ASCC2: variants seen among roughly 807,000 people sequenced by gnomAD.
The protein encoded by ASCC2 is activating signal cointegrator 1 complex subunit 2.
ASCC2 carries 42 observed loss-of-function variants against 93.5 expected under a neutral mutation model. The ratio of observed to expected loss-of-function variants is 0.45; its 90% CI spans 0.35 to 0.58. ASCC2 has a LOEUF of 0.58. Ranked by LOEUF, ASCC2 falls within the 20% of genes least tolerant of loss-of-function variation. The probability of loss-of-function intolerance (pLI) is 0.00; values close to 1 mark genes in which losing one functional copy is unlikely to be tolerated. For synonymous variants in ASCC2, 364 were observed against 384.2 expected, an observed-to-expected ratio of 0.95 and a Z score of 0.62; for missense variants, 859 against 977.6, an observed-to-expected ratio of 0.88 and a Z score of 1.62.
chr22:29,800,857 G>A (rs746453390), intron 15 of ASCC2, 134 bp downstream of exon 15: 17 of 1,153,620 alleles, frequency 1.5e-5, no homozygotes, highest in Admixed American at 5.1e-5. Context: ...GGGTGCACAG[G>A]TCTAGGGTTG....
At chr22:29,806,961 A>G in intron 9 of ASCC2, 57 bp from the exon 10 acceptor site, 1 of 1,381,992 alleles carries the variant, frequency 7.2e-7, no homozygotes, top group Non-Finnish European at 1.0e-6. Context: ...CTGAGGGGCC[A>G]GGTGCAGTGG....
In ASCC2 at chr22:29,808,153, T is replaced by G; in HGVS notation, c.866A>C (p.Glu289Ala). 4 of 1,614,228 alleles carry G rather than the reference T, an allele frequency of 2.5e-6. No homozygotes were observed. The highest frequency in any genetic ancestry group is 1.3e-5 in the African/African-American group (1 of 75,060). ...LASFYEAAIP[E>A]MESAIKKRRL... ...CCTCTTCTTAATTGCAGACTCCATT[T>G]CGGGAATTGCTGCTTCGTAGAAGGA... The change falls in exon 9 of 20, where the codon GAA becomes GCA. Residue 289 changes from glutamate (E) to alanine (A), a missense_variant. Physicochemically the swap from Glu to Ala is moderately radical, Grantham distance 107 (BLOSUM62 -1). Transcript: ENST00000307790.
At chr22:29,803,403 T>C (rs8143161) in intron 13 of ASCC2, among the ~76,000 whole-genome samples, 3,868 of 152,258 alleles carry the variant, frequency 0.025, 157 homozygotes, top group African/African-American at 0.088. Context: ...TGAACCTCAG[T>C]TTCCTCCTTA....
At chr22:29,807,007 G>C (rs2059748171) in intron 9 of ASCC2, 103 bp from the exon 10 acceptor site, 1 of 819,008 alleles carries the variant, frequency 1.2e-6, no homozygotes, top group Admixed American at 2.8e-5. Context: ...GGGAATCTGA[G>C]GTGGGAGGAT....
intron 6 of ASCC2, 123 bp from the exon 7 acceptor site, chr22:29,814,890 C>T: frequency 2.8e-6 from 2 of 721,350 alleles, no homozygotes; most frequent in Non-Finnish European, 4.6e-6. Flanking sequence ...ACCCATGTTT[C>T]CAGGATATAA....
In ASCC2 at chr22:29,832,257, A is replaced by C; in HGVS notation, c.69T>G (p.Thr23=). ...HKDPKTGKLR[T]SPALHPEQKA... ...GTGACCGGCTCACCAGCGCTGGTGA[A>C]GTCCTCAGCTTTCCTGTCTTCGGGT... Residue 23 remains threonine (T), a synonymous_variant, in exon 2 of 20, where the codon ACT becomes ACG. Coordinates refer to ENST00000307790, the MANE Select transcript of ASCC2 (RefSeq NM_032204.5). The C allele has an allele frequency of 6.2e-7, 1 of 1,613,602 alleles. No homozygotes were observed. The highest frequency in any genetic ancestry group is 8.5e-7 in the Non-Finnish European group (1 of 1,179,538).
At chr22:29,805,687 C>A (rs1158321834) in intron 12 of ASCC2, among the ~76,000 whole-genome samples, 2 of 152,180 alleles carry the variant, frequency 1.3e-5, no homozygotes, top group Non-Finnish European at 1.5e-5. Flanking sequence ...GTACTCTATA[C>A]ACGTCTGTGG....
At chr22:29,808,275 G>C (rs375953079) in intron 8 of ASCC2, 90 bp from the exon 9 acceptor site, 1 of 1,333,956 alleles carries the variant, frequency 7.5e-7, no homozygotes, top group Non-Finnish European at 1.1e-6. Context: ...GGAGTGGGAA[G>C]GCCCATTTCT....
chr22:29,808,024 A>G, intron 9 of ASCC2, 87 bp downstream of exon 9: 1 of 1,368,872 alleles, frequency 7.3e-7, no homozygotes, highest in Non-Finnish European at 1.0e-6. Flanking sequence ...TGTCTTAGAG[A>G]TAGGGATGCT....
At position 29,825,908 on chromosome 22, in the gene ASCC2, A is replaced by G. The variant is rs746862011; in HGVS notation, c.82-128T>C. On this transcript the variant is annotated intron_variant, in intron 2 of 19. Transcript: ENST00000307790. The surrounding 1 kb of genome is among the most constrained non-coding windows in gnomAD (Gnocchi z 4.9). ...CCCTCCAAGGAGCTTTTAAGCATAA[A>G]GAACCAAGTGTATCTAACAAAGAGG... 375 of 1,078,570 alleles carry G rather than the reference A, an allele frequency of 3.5e-4. No homozygotes were observed. Among genetic ancestry groups the G allele is most frequent in the Non-Finnish European group, 4.5e-4 (331 of 740,710 alleles). The allele number at this position is 1,078,570 out of a possible 1,614,324, so 66.8% of individuals were successfully genotyped here.
At chr22:29,804,244 G>A (rs1047670656) in intron 13 of ASCC2, among the ~76,000 whole-genome samples, 3 of 152,214 alleles carry the variant, frequency 2.0e-5, no homozygotes, top group Non-Finnish European at 4.4e-5. Context: ...GGAGCCCCAC[G>A]GAGGGGCTTC....
At chr22:29,818,182 T>C (rs1007656022) in intron 5 of ASCC2, among the ~76,000 whole-genome samples, 6 of 152,022 alleles carry the variant, frequency 3.9e-5, no homozygotes, top group African/African-American at 2.4e-5. Context: ...TCCCACCTTC[T>C]TTCACTTGTC....
chr22:29,793,583 C>T lies in ASCC2; in HGVS notation c.1782G>A (p.Val594=), dbSNP rs777026011. 1.9e-6 allele frequency: 3 copies of T among 1,612,728 alleles called. No homozygotes were observed. Among genetic ancestry groups the T allele is most frequent in the Middle Eastern group, 1.7e-4 (1 of 6,060 alleles). ...RQRYEQYSVV[V]EEVPLQPGES... The stretch of plus-strand genomic sequence containing the variant: ...CCTGGCCTTGGTGGCCTACCTCCTC[C>T]ACCACCACGCTGTACTGCTCGTAGC... The change falls in exon 16 of 20, where the codon GTG becomes GTA. Residue 594 remains valine (V), a synonymous_variant. Coordinates refer to ENST00000307790, the MANE Select transcript of ASCC2 (RefSeq NM_032204.5).
intron 8 of ASCC2, among the ~76,000 whole-genome samples, chr22:29,810,809 C>A (rs929149907): frequency 6.6e-6 from 1 of 151,990 alleles, no homozygotes; most frequent in Admixed American, 6.5e-5. Flanking sequence ...CTGCTCACTG[C>A]AACCTCCGCC....
At chr22:29,836,989 G>A (rs936174905) in intron 1 of ASCC2, among the ~76,000 whole-genome samples, 5 of 152,214 alleles carry the variant, frequency 3.3e-5, no homozygotes, top group African/African-American at 1.2e-4. Context: ...TTTCCAATTA[G>A]CCATACAAAC....
intron 1 of ASCC2, among the ~76,000 whole-genome samples, chr22:29,834,717 T>C (rs921559173): frequency 2.0e-5 from 3 of 152,218 alleles, no homozygotes; most frequent in Middle Eastern, 3.2e-3. Context: ...AGGATTACCA[T>C]GTTCAGATGT....
Position 29,817,257 on chromosome 22 carries a change from C to T in ASCC2, c.542-1184G>A, listed in dbSNP as rs116089989. ...TGCCCAGACCATCTGCACCCACTTCCTACTCCTGATAGGCAAGGAAAGACA... is the reference window on the plus strand; with the variant it reads ...TGCCCAGACCATCTGCACCCACTTCTTACTCCTGATAGGCAAGGAAAGACA... On this transcript the variant is annotated intron_variant, in intron 5 of 19. Transcript: ENST00000307790. Among the ~76,000 whole-genome samples the T allele has an allele frequency of 8.1e-3, 1,234 of 152,218 alleles. 18 individuals are homozygous for T. The highest frequency in any genetic ancestry group is 0.028 in the African/African-American group (1,163 of 41,534).
chr22:29,836,273 G>A (rs895998830), intron 1 of ASCC2, among the ~76,000 whole-genome samples: 1 of 146,220 alleles, frequency 6.8e-6, no homozygotes, highest in Non-Finnish European at 1.5e-5. Flanking sequence ...GACAGGACCA[G>A]TTTAAAAAGA....
intron 2 of ASCC2, among the ~76,000 whole-genome samples, chr22:29,830,623 C>T (rs1475485703): frequency 1.3e-5 from 2 of 152,182 alleles, no homozygotes; most frequent in African/African-American, 4.8e-5. Context: ...TCGGCGGCCC[C>T]GGCTCTGCAC....
Sources: allele counts gnomAD v4.1 joint callset (sites outside exome capture counted in the v4.1 genomes callset), GRCh38; gene constraint gnomAD v4.1.1; non-coding constraint Gnocchi (gnomAD v3.1); transcripts MANE v1.5; gene names NCBI Gene and HGNC (gene_info 2026-07-23, HGNC 2026-07-21).